ZNF334: variants seen among roughly 807,000 people sequenced by gnomAD.
The protein encoded by ZNF334 is zinc finger protein 334.
A neutral mutation model predicts 12.4 loss-of-function variants in ZNF334; 14 were observed. The observed-to-expected ratio is 1.13, with a 90% CI of 0.74 to 1.76. ZNF334 has a LOEUF of 1.76. ZNF334 is among the 40% of genes most tolerant of loss of function. The pLI is 0.00. For missense variants in ZNF334, 797 were observed against 804.5 expected (o/e 0.99, Z 0.11); for synonymous variants, 273 against 269.6 (o/e 1.01, Z -0.12).
At chr20:46,476,524 T>A in the ZNF334 span, among the ~76,000 whole-genome samples, 1 of 152,254 alleles carries the variant, frequency 6.6e-6, no homozygotes, top group Non-Finnish European at 1.5e-5. Context: ...GTAAAGGGTA[T>A]ATGAGGGCTC....
the ZNF334 span, chr20:46,477,013 C>T: frequency 6.6e-6 from 1 of 152,140 alleles, no homozygotes; most frequent in African/African-American, 2.4e-5. Context: ...TAAAATAATT[C>T]ATGCTGGTAC....
the ZNF334 span, among the ~76,000 whole-genome samples, chr20:46,475,491 A>G: frequency 6.6e-6 from 1 of 152,196 alleles, no homozygotes; most frequent in African/African-American, 2.4e-5. Context: ...GACAAACTAC[A>G]AAGTGGGAGA....
chr20:46,488,419 T>TTTTTTATATATATATATA, the ZNF334 span, among the ~76,000 whole-genome samples: 87 of 102,228 alleles, frequency 8.5e-4, 2 homozygotes, highest in African/African-American at 3.2e-3. Context: ...AGCTCTTATT[T>TTTTTTATATATATATATA]TATATATATA....
At chr20:46,468,280 T>A in the ZNF334 span, among the ~76,000 whole-genome samples, 2 of 76,242 alleles carry the variant, frequency 2.6e-5, no homozygotes, top group Non-Finnish European at 5.4e-5. Context: ...TACACCCACA[T>A]TTTTTTTTTT....
chr20:46,497,082 T>G (rs1483836945), downstream of ZNF334, among the ~76,000 whole-genome samples: 1 of 152,216 alleles, frequency 6.6e-6, no homozygotes, highest in Non-Finnish European at 1.5e-5. Context: ...GCTGCTCTGA[T>G]TGAACTCTAA....
At chr20:46,475,901 A>G in the ZNF334 span, among the ~76,000 whole-genome samples, 1 of 152,202 alleles carries the variant, frequency 6.6e-6, no homozygotes, top group Non-Finnish European at 1.5e-5. Context: ...CAACCTGGCA[A>G]TTTTACTAAT....
chr20:46,479,290 C>T, the ZNF334 span, among the ~76,000 whole-genome samples: 7 of 152,178 alleles, frequency 4.6e-5, 1 homozygote, highest in South Asian at 2.1e-4. Flanking sequence ...CAGACCCACC[C>T]GGATAATCCA....
At chr20:46,470,415 G>A in the ZNF334 span, among the ~76,000 whole-genome samples, 1 of 152,210 alleles carries the variant, frequency 6.6e-6, no homozygotes, top group African/African-American at 2.4e-5. Flanking sequence ...TTCAGCTGAA[G>A]GAAACTACCC....
At position 46,504,227 on chromosome 20, in the gene ZNF334, A is replaced by T; in HGVS notation, c.228T>A (p.Asn76Lys). 2 of 1,611,260 alleles carry T rather than the reference A, an allele frequency of 1.2e-6. No individual in the cohort carries two copies. Among genetic ancestry groups the T allele is most frequent in the Non-Finnish European group, 8.5e-7 (1 of 1,178,584 alleles). Residue 76 changes from asparagine (N) to lysine (K), a missense_variant, in exon 4 of 5, where the codon AAT becomes AAA. Coordinates refer to ENST00000692313, the MANE Select transcript of ZNF334 (RefSeq NM_001353824.2). ...TCATTTACTTACCTGGGTAGTTCTG[A>T]TTTGAGAATTCCTCCACTATCCATG... ...EEPWIVEEFS[N>K]QNYPDIDDAL... is the part of the protein sequence containing the mutation.
chr20:46,503,078 C>T lies in ZNF334; in HGVS notation c.261G>A (p.Glu87=), dbSNP rs2061307679. Residue 87 remains glutamate, a synonymous_variant, in exon 5 of 5, where the codon GAG becomes GAA. Coordinates refer to ENST00000692313, the MANE Select transcript of ZNF334 (RefSeq NM_001353824.2). ...GTTTATCTTGGATTTCCTTGTTCTT[C>T]TCTAAGGCATCATCAATGTCTAGAA... ...QNYPDIDDAL[E]KNKEIQDKHL... is the part of the protein sequence containing the mutation. The T allele has an allele frequency of 6.2e-7, 1 of 1,601,828 alleles. No homozygotes were observed. The highest frequency in any genetic ancestry group is 1.1e-5 in the South Asian group (1 of 89,152).
At chr20:46,491,838 G>A in the ZNF334 span, 1 of 153,670 alleles carries the variant, frequency 6.5e-6, no homozygotes, top group Non-Finnish European at 1.5e-5. Flanking sequence ...TGTAATGAAT[G>A]TGGAAAGACC....
the ZNF334 span, among the ~76,000 whole-genome samples, chr20:46,479,417 G>C: frequency 8.5e-5 from 13 of 152,242 alleles, no homozygotes; most frequent in Admixed American, 8.5e-4. Flanking sequence ...TCATGGGAAG[G>C]GAGGTTGGAC....
chr20:46,473,841 A>T, the ZNF334 span, among the ~76,000 whole-genome samples: 5 of 152,218 alleles, frequency 3.3e-5, no homozygotes, highest in Admixed American at 2.6e-4. Context: ...TTTATAATCA[A>T]TTAATACCTG....
the ZNF334 span, among the ~76,000 whole-genome samples, chr20:46,471,280 C>T: frequency 6.6e-6 from 1 of 152,102 alleles, no homozygotes; most frequent in South Asian, 2.1e-4. Context: ...CGTGCCTGTT[C>T]AAGTATTTTG....
chr20:46,482,998 G>A, the ZNF334 span, among the ~76,000 whole-genome samples: 1 of 152,094 alleles, frequency 6.6e-6, no homozygotes, highest in African/African-American at 2.4e-5. Context: ...TCTGAGTCAA[G>A]GGCATGCACC....
Position 46,501,477 on chromosome 20 carries a change from ATTC to A in ZNF334, c.1859_1861del (p.Arg620del), listed in dbSNP as rs1196514593. Reference sequence around the variant, plus strand: ...TTCATATGGTTTCTCTCCTGTGTGAATTCTTCTATGGACTCTGAAGGCTGACTT... The same window carrying A: ...TTCATATGGTTTCTCTCCTGTGTGAATTCTATGGACTCTGAAGGCTGACTT... On this transcript the variant is annotated inframe_deletion, in exon 5 of 5. Transcript: ENST00000692313. The A allele has an allele frequency of 6.2e-7, 1 of 1,612,936 alleles. No individual in the cohort carries two copies. Among genetic ancestry groups the A allele is most frequent in the Non-Finnish European group, 8.5e-7 (1 of 1,179,720 alleles).
the ZNF334 span, chr20:46,465,032 G>A: frequency 2.2e-5 from 8 of 368,106 alleles, no homozygotes; most frequent in South Asian, 7.4e-5. Context: ...TGCCCACTAC[G>A]CCATGTGGAC....
the ZNF334 span, among the ~76,000 whole-genome samples, chr20:46,489,839 C>A: frequency 6.6e-6 from 1 of 152,114 alleles, no homozygotes; most frequent in Non-Finnish European, 1.5e-5. Context: ...GCATCTCAGA[C>A]TAGAATGAAG....
At chr20:46,508,251 A>T (rs1383912462) in intron 2 of ZNF334, among the ~76,000 whole-genome samples, 1 of 152,254 alleles carries the variant, frequency 6.6e-6, no homozygotes, top group Non-Finnish European at 1.5e-5. Context: ...CAAAAAAAGA[A>T]ATGATGAGTA....
Sources: gnomAD v4.1 joint callset for allele counts (sites outside exome capture counted in the v4.1 genomes callset) on GRCh38, gnomAD v4.1.1 for gene constraint, MANE v1.5 for transcripts, NCBI Gene and HGNC (gene_info 2026-07-23, HGNC 2026-07-21) for gene names.